SLC23A2: variants seen among roughly 807,000 people sequenced by gnomAD.
The protein encoded by SLC23A2 is Na(+)/L-ascorbic acid transporter 2.
Under a neutral mutation model 73.3 loss-of-function variants are expected in SLC23A2, and 36 were observed. The observed-to-expected ratio is 0.49, with a 90% confidence interval of 0.38 to 0.65. The LOEUF (loss-of-function observed/expected upper bound fraction) is 0.65, where lower values mean the gene tolerates loss of function less well. Ranked by LOEUF, SLC23A2 falls within the 30% of genes least tolerant of loss-of-function variation. The pLI, the probability that SLC23A2 is intolerant of heterozygous loss-of-function variation, is 0.00. For missense variants in SLC23A2, 507 were observed against 841.6 expected (o/e 0.60, Z 4.92); for synonymous variants, 343 against 327.3 (o/e 1.05, Z -0.52).
chr20:4,920,769 G>A (rs1932476448), intron 3 of SLC23A2, among the ~76,000 whole-genome samples: 1 of 152,258 alleles, frequency 6.6e-6, no homozygotes, highest in Middle Eastern at 3.4e-3. Flanking sequence ...CCCCTAAACA[G>A]AGACAGAGTA....
At chr20:4,971,618 CAAAAAA>C (rs944620433) in intron 1 of SLC23A2, among the ~76,000 whole-genome samples, 4 of 60,116 alleles carry the variant, frequency 6.7e-5, no homozygotes, top group South Asian at 4.9e-4. Context: ...CTTGTCTCTA[CAAAAAA>C]AAAAAAAAAA....
At chr20:4,916,700 A>AT (rs1314364417) in intron 3 of SLC23A2, among the ~76,000 whole-genome samples, 3 of 152,288 alleles carry the variant, frequency 2.0e-5, no homozygotes, top group Middle Eastern at 3.4e-3. Context: ...TAAACTTAGG[A>AT]TTTTTTGACT....
At chr20:4,893,011 G>A (rs114983070) in intron 6 of SLC23A2, among the ~76,000 whole-genome samples, 2,069 of 151,988 alleles carry the variant, frequency 0.014, 45 homozygotes, top group African/African-American at 0.046. Flanking sequence ...ATACACAAGA[G>A]ACACCGTCAT....
In SLC23A2 at chr20:4,899,158, A is replaced by T. The variant is rs1222010264; in HGVS notation, c.482+397T>A. On this transcript the variant is annotated intron_variant, in intron 6 of 16. Transcript: ENST00000338244. The surrounding 1 kb of genome is among the most constrained non-coding windows in gnomAD (Gnocchi z 4.9). ...GAGGGTGTGGAAGTAGAAAGATGGC[A>T]CTGGGTGTGGGGCACAAAGTGAGTC... 6.6e-6 allele frequency among the ~76,000 whole-genome samples: 1 copy of T among 152,186 alleles called. No homozygotes were observed. The highest frequency in any genetic ancestry group is 1.5e-5 in the Non-Finnish European group (1 of 68,038).
rs1929565568 is a variant in SLC23A2, at chr20:4,852,530, T to G, written c.*4442A>C. ...CAATATGAAAATTCTTTTTAAAAAC[T>G]CCATAAAAGAATTACACATCTCAAA... On this transcript the variant is annotated 3_prime_UTR_variant, in exon 17 of 17. Coordinates refer to ENST00000338244, the MANE Select transcript of SLC23A2 (RefSeq NM_005116.6). The surrounding 1 kb of genome is among the most constrained non-coding windows in gnomAD (Gnocchi z 4.3). 1 of 152,510 alleles carries G rather than the reference T, an allele frequency of 6.6e-6. No homozygotes were observed. Among genetic ancestry groups the G allele is most frequent in the Non-Finnish European group, 1.5e-5 (1 of 68,000 alleles). 9.4% of individuals were successfully genotyped at this position (152,510 alleles called of 1,614,324 possible).
At chr20:4,984,857 G>A (rs371095421) in intron 1 of SLC23A2, among the ~76,000 whole-genome samples, 2 of 151,860 alleles carry the variant, frequency 1.3e-5, no homozygotes, top group South Asian at 4.2e-4. Flanking sequence ...ACATAGAATC[G>A]GCCAGGCATG....
chr20:4,956,130 A>G (rs957205161), intron 2 of SLC23A2, among the ~76,000 whole-genome samples: 1 of 152,220 alleles, frequency 6.6e-6, no homozygotes, highest in Admixed American at 6.5e-5. Context: ...GAAAATATCT[A>G]ATCTGATTAA....
chr20:5,003,846 C>A (rs1001525272), upstream of SLC23A2, among the ~76,000 whole-genome samples: 1 of 152,128 alleles, frequency 6.6e-6, no homozygotes, highest in Non-Finnish European at 1.5e-5. Context: ...ATTGCCAAAA[C>A]CAATTACAGG....
intron 4 of SLC23A2, among the ~76,000 whole-genome samples, chr20:4,910,035 T>C (rs961850156): frequency 6.6e-6 from 1 of 152,186 alleles, no homozygotes; most frequent in African/African-American, 2.4e-5. Context: ...CCAGCTTACA[T>C]GCCACTCTGC....
intron 2 of SLC23A2, among the ~76,000 whole-genome samples, chr20:4,939,269 G>T (rs921350907): frequency 6.6e-6 from 1 of 152,102 alleles, no homozygotes; most frequent in South Asian, 2.1e-4. Context: ...ACTGATAAAT[G>T]ATTTTTTTAA....
chr20:4,943,168 T>C (rs1600156819), intron 2 of SLC23A2, among the ~76,000 whole-genome samples: 1 of 151,106 alleles, frequency 6.6e-6, no homozygotes, highest in Admixed American at 6.6e-5. Context: ...AAGATAGATG[T>C]TCCATAAATG....
rs182305684 is a variant in SLC23A2 at position 4,998,954 on chromosome 20, G to A, written c.-282+2452C>T. Among the ~76,000 whole-genome samples the A allele has an allele frequency of 5.6e-4, 85 of 152,140 alleles. 1 individual carries two copies. Among genetic ancestry groups the A allele is most frequent in the Non-Finnish European group, 9.6e-4 (65 of 68,014 alleles). On this transcript the variant is annotated intron_variant, in intron 1 of 16. Transcript: ENST00000338244. The surrounding 1 kb of genome is among the most constrained non-coding windows in gnomAD (Gnocchi z 4.1). ...TGAGTAGCCGGAAATACAGGCATGCGCCACCATGCCCGGCTAACTTTTGTA... is the reference window on the plus strand; with the variant it reads ...TGAGTAGCCGGAAATACAGGCATGCACCACCATGCCCGGCTAACTTTTGTA...
intron 3 of SLC23A2, among the ~76,000 whole-genome samples, chr20:4,921,616 A>G (rs1341871186): frequency 1.3e-5 from 2 of 152,032 alleles, no homozygotes; most frequent in Non-Finnish European, 2.9e-5. Context: ...AAAAAAAAAA[A>G]AAGAAATACA....
chr20:4,917,137 G>A (rs188843544), intron 3 of SLC23A2, among the ~76,000 whole-genome samples: 81 of 152,286 alleles, frequency 5.3e-4, no homozygotes, highest in African/African-American at 1.4e-3. Context: ...AAGGAATTCC[G>A]CTGTTACACA....
At position 4,969,190 on chromosome 20, in the gene SLC23A2, C is replaced by T. The variant is rs145679506; in HGVS notation, c.-155+1603G>A. Among the ~76,000 whole-genome samples the T allele has an allele frequency of 2.7e-3, 409 of 151,958 alleles. 3 individuals carry two copies. The highest frequency in any genetic ancestry group is 9.2e-3 in the African/African-American group (383 of 41,436). On this transcript the variant is annotated intron_variant, in intron 2 of 16. Coordinates refer to ENST00000338244, the MANE Select transcript of SLC23A2 (RefSeq NM_005116.6). ...CAACCTCCTGCCTCCCAGGTTCAAGCGATTCTCCTACCTCAGCCTCCCGAA... is the reference window on the plus strand; with the variant it reads ...CAACCTCCTGCCTCCCAGGTTCAAGTGATTCTCCTACCTCAGCCTCCCGAA...
intron 2 of SLC23A2, among the ~76,000 whole-genome samples, chr20:4,956,616 T>C (rs1013409210): frequency 1.3e-5 from 2 of 152,110 alleles, no homozygotes; most frequent in Non-Finnish European, 2.9e-5. Flanking sequence ...GGTATCTCTG[T>C]GGGCCCTTCT....
chr20:4,935,846 T>C (rs1009094607), intron 2 of SLC23A2, among the ~76,000 whole-genome samples: 7 of 152,092 alleles, frequency 4.6e-5, no homozygotes, highest in African/African-American at 1.7e-4. Context: ...TCTATATCTA[T>C]GTAGAAAAAA....
intron 3 of SLC23A2, among the ~76,000 whole-genome samples, chr20:4,919,061 A>G (rs1932418327): frequency 6.6e-6 from 1 of 152,180 alleles, no homozygotes; most frequent in African/African-American, 2.4e-5. Flanking sequence ...AAAACTTTCC[A>G]CCTACTTTCA....
chr20:4,912,090 C>T (rs1932175495), intron 4 of SLC23A2, among the ~76,000 whole-genome samples: 1 of 151,650 alleles, frequency 6.6e-6, no homozygotes, highest in South Asian at 2.1e-4. Context: ...AGCAATCTTC[C>T]CGCCTCAGCC....
Sources: allele counts gnomAD v4.1 joint callset (sites outside exome capture counted in the v4.1 genomes callset), GRCh38; gene constraint gnomAD v4.1.1; non-coding constraint Gnocchi (gnomAD v3.1); transcripts MANE v1.5; gene names NCBI Gene and HGNC (gene_info 2026-07-23, HGNC 2026-07-21).